MTF2: variants seen among roughly 807,000 people sequenced by gnomAD.
MTF2 encodes metal response element binding transcription factor 2.
A neutral mutation model predicts 79.5 loss-of-function variants in MTF2; 11 were observed. That is an observed-to-expected ratio of 0.14 (90% confidence interval 0.09 to 0.23). MTF2 has a LOEUF of 0.23. Ranked by LOEUF, MTF2 falls within the 10% of genes least tolerant of loss-of-function variation. MTF2 has a pLI of 1.00. For synonymous variants in MTF2, 208 were observed against 232.8 expected, an observed-to-expected ratio of 0.89 and a Z score of 0.97; for missense variants, 486 against 711.2, an observed-to-expected ratio of 0.68 and a Z score of 3.60.
At chr1:93,134,852 T>C (rs994576434) in intron 14 of MTF2, among the ~76,000 whole-genome samples, 12 of 144,070 alleles carry the variant, frequency 8.3e-5, no homozygotes, top group African/African-American at 2.6e-4. Context: ...AAAAAAAAAA[T>C]CAGACACCTA....
Position 93,114,625 on chromosome 1 carries a change from A to G in MTF2, c.287-63A>G, listed in dbSNP as rs1656172812. 4 of 1,265,530 alleles carry G rather than the reference A, an allele frequency of 3.2e-6. No homozygotes were observed. In the Admixed American group the frequency reaches 8.7e-5, roughly 28 times the overall value. The allele number at this position is 1,265,530 out of a possible 1,614,324, so 78.4% of individuals were successfully genotyped here. On this transcript the variant is annotated intron_variant, in intron 3 of 14. Coordinates refer to ENST00000370298, the MANE Select transcript of MTF2 (RefSeq NM_007358.4). Reference sequence around the variant, plus strand: ...ATATGTGCTGCTCACTGAGTCATAAAAGTGGTTTTGTTTTATGGAATTTTT... The same window carrying G: ...ATATGTGCTGCTCACTGAGTCATAAGAGTGGTTTTGTTTTATGGAATTTTT...
chr1:93,110,916 A>G (rs1422180836), intron 3 of MTF2, among the ~76,000 whole-genome samples: 5 of 152,234 alleles, frequency 3.3e-5, no homozygotes, highest in Non-Finnish European at 7.3e-5. Flanking sequence ...TTGGGATTCA[A>G]TTCAACTGTT....
intron 1 of MTF2, among the ~76,000 whole-genome samples, chr1:93,083,431 A>G (rs1294518961): frequency 6.6e-6 from 1 of 152,252 alleles, no homozygotes; most frequent in Non-Finnish European, 1.5e-5. Flanking sequence ...ATATTTCATT[A>G]TATGAATATA....
At chr1:93,130,946 AACACACACACACACAC>A (rs60658361) in intron 11 of MTF2, among the ~76,000 whole-genome samples, 3 of 148,896 alleles carry the variant, frequency 2.0e-5, no homozygotes, top group African/African-American at 7.4e-5. Flanking sequence ...ATGAGGGACA[AACACACACACACACAC>A]ACACACACCC....
intron 6 of MTF2, among the ~76,000 whole-genome samples, 171 bp from the exon 7 acceptor site, chr1:93,118,174 T>G (rs1006767371): frequency 6.6e-6 from 1 of 151,904 alleles, no homozygotes; most frequent in Non-Finnish European, 1.5e-5. Context: ...TAGCTGATAC[T>G]ATAAGCCTTT....
intron 1 of MTF2, among the ~76,000 whole-genome samples, chr1:93,103,423 AT>A (rs1655630659): frequency 6.6e-6 from 1 of 151,540 alleles, no homozygotes; most frequent in Non-Finnish European, 1.5e-5. Flanking sequence ...ATGTGCTTTT[AT>A]TTTATATTTA....
At chr1:93,089,830 T>C (rs1000535251) in intron 1 of MTF2, among the ~76,000 whole-genome samples, 1 of 145,112 alleles carries the variant, frequency 6.9e-6, no homozygotes, top group African/African-American at 2.5e-5. Context: ...GCCTCCCCAG[T>C]ATTAATAGCT....
chr1:93,106,565 G>C (rs1271600354), intron 1 of MTF2, among the ~76,000 whole-genome samples: 2 of 148,348 alleles, frequency 1.3e-5, no homozygotes, highest in African/African-American at 5.0e-5. Context: ...TGTTGCCCAG[G>C]CTGGAGTGCA....
At chr1:93,136,109 T>A (rs991789785) in intron 14 of MTF2, among the ~76,000 whole-genome samples, 1 of 152,286 alleles carries the variant, frequency 6.6e-6, no homozygotes, top group African/African-American at 2.4e-5. Flanking sequence ...AACATAGAGA[T>A]TGAGATTTGA....
chr1:93,109,973 C>G (rs754995395), intron 1 of MTF2, among the ~76,000 whole-genome samples: 2 of 152,176 alleles, frequency 1.3e-5, no homozygotes, highest in Non-Finnish European at 2.9e-5. Context: ...ATGGCAGCTG[C>G]CTTGAATGTG....
At position 93,095,897 on chromosome 1, in the gene MTF2, G is replaced by A. The variant is rs1036602124; in HGVS notation, c.6-14333G>A. ...TCTCAAACTCCTGACCTTGTGATCC[G>A]CCCACCTTGACCTCCCAAAGTGCTG... On this transcript the variant is annotated intron_variant, in intron 1 of 14. Coordinates refer to ENST00000370298, the MANE Select transcript of MTF2 (RefSeq NM_007358.4). 4.0e-5 allele frequency among the ~76,000 whole-genome samples: 6 copies of A among 151,614 alleles called. No individual in the cohort carries two copies. In the South Asian group the frequency reaches 6.3e-4, roughly 16 times the overall value.
At chr1:93,120,880 T>C in intron 9 of MTF2, 1 of 1,257,936 alleles carries the variant, frequency 7.9e-7, no homozygotes, top group Non-Finnish European at 1.0e-6. Context: ...CTCTGGAAAT[T>C]TGTAGAAGGA....
At chr1:93,118,634 T>TA (rs766900364) in intron 7 of MTF2, among the ~76,000 whole-genome samples, 194 bp downstream of exon 7, 20 of 152,230 alleles carry the variant, frequency 1.3e-4, no homozygotes, top group Non-Finnish European at 2.4e-4. Flanking sequence ...AGAATGCTTT[T>TA]AAGTATTGTC....
At chr1:93,103,780 T>G (rs1655647300) in intron 1 of MTF2, among the ~76,000 whole-genome samples, 1 of 152,198 alleles carries the variant, frequency 6.6e-6, no homozygotes, top group African/African-American at 2.4e-5. Context: ...TGGGGGAAAC[T>G]GCATAGAGGA....
intron 1 of MTF2, among the ~76,000 whole-genome samples, chr1:93,084,094 C>T (rs769167088): frequency 3.3e-5 from 5 of 151,528 alleles, no homozygotes; most frequent in Non-Finnish European, 4.4e-5. Flanking sequence ...CTTTTGATGC[C>T]GTATCTAAAG....
chr1:93,112,686 T>A (rs1465688845), intron 3 of MTF2, among the ~76,000 whole-genome samples: 2 of 152,162 alleles, frequency 1.3e-5, no homozygotes, highest in Non-Finnish European at 2.9e-5. Flanking sequence ...CAACAAAAAA[T>A]TTGGTATTTC....
At chr1:93,109,906 A>G (rs1655962162) in intron 1 of MTF2, among the ~76,000 whole-genome samples, 1 of 152,206 alleles carries the variant, frequency 6.6e-6, no homozygotes, top group Admixed American at 6.5e-5. Flanking sequence ...ATGAGATTCA[A>G]GACATTATTT....
Position 93,134,511 on chromosome 1 carries a change from T to C in MTF2, c.1424+316T>C, listed in dbSNP as rs115442694. 4.8e-3 allele frequency: 1,118 copies of C among 233,444 alleles called. 13 individuals are homozygous for C. Among genetic ancestry groups the C allele is most frequent in the African/African-American group, 0.025 (1,072 of 43,212 alleles). The allele number at this position is 233,444 out of a possible 1,614,324, so 14.5% of individuals were successfully genotyped here. On this transcript the variant is annotated intron_variant, in intron 14 of 14. Transcript: ENST00000370298. Reference sequence around the variant, plus strand: ...TCTGCTACACAAGTGTTCTTTGCTTTAGGAAGATATGATTTTTTTTTTTCT... The same window carrying C: ...TCTGCTACACAAGTGTTCTTTGCTTCAGGAAGATATGATTTTTTTTTTTCT...
rs1656449566 is a variant in MTF2, at chr1:93,120,904, T to C, written c.921+232T>C. The C allele has an allele frequency of 4.7e-5, 56 of 1,193,302 alleles. 1 individual carries two copies. The highest frequency in any genetic ancestry group is 5.8e-5 in the Non-Finnish European group (56 of 963,886). 73.9% of individuals were successfully genotyped at this position (1,193,302 alleles called of 1,614,324 possible). On this transcript the variant is annotated intron_variant, in intron 9 of 14. Coordinates refer to ENST00000370298, the MANE Select transcript of MTF2 (RefSeq NM_007358.4). ...TTTGTAGAAGGAGGAGGTATATTAT[T>C]TGATTCTTTCATTTTCTGAAGTGAA...
Sources: gnomAD v4.1 joint callset for allele counts (sites outside exome capture counted in the v4.1 genomes callset) on GRCh38, gnomAD v4.1.1 for gene constraint, MANE v1.5 for transcripts, NCBI Gene and HGNC (gene_info 2026-07-23, HGNC 2026-07-21) for gene names.